CD200: variants seen among roughly 807,000 people sequenced by gnomAD.
The protein encoded by CD200 is CD200 molecule, also known as OX-2 membrane glycoprotein.
A neutral mutation model predicts 30.9 loss-of-function variants in CD200; 15 were observed. The observed-to-expected ratio is 0.49, with a 90% CI of 0.32 to 0.75. The LOEUF (loss-of-function observed/expected upper bound fraction) is 0.75, where lower values mean the gene tolerates loss of function less well. Ranked by LOEUF, CD200 falls within the 30% of genes least tolerant of loss-of-function variation. The pLI, the probability that CD200 is intolerant of heterozygous loss-of-function variation, is 0.03. For synonymous variants in CD200, 134 were observed against 126.2 expected (o/e 1.06, Z -0.41); for missense variants, 262 against 324.2 (o/e 0.81, Z 1.47).
chr3:112,350,108 C>A, intron 5 of CD200: 2 of 292,362 alleles, frequency 6.8e-6, no homozygotes, highest in Non-Finnish European at 1.0e-5. Context: ...CCACACAAGG[C>A]CCTTTCCACT....
At chr3:112,347,490 C>G (rs1394852531) in intron 3 of CD200, 68 bp from the exon 4 acceptor site, 4 of 1,459,882 alleles carry the variant, frequency 2.7e-6, no homozygotes, top group Non-Finnish European at 3.8e-6. Context: ...CTTCATCTCT[C>G]TGAGGAGACT....
intron 5 of CD200, among the ~76,000 whole-genome samples, chr3:112,355,612 G>T (rs62264130): frequency 1.3e-5 from 2 of 152,104 alleles, no homozygotes; most frequent in African/African-American, 2.4e-5. Flanking sequence ...TTATCATAAC[G>T]TATTAAACCG....
intron 4 of CD200, among the ~76,000 whole-genome samples, chr3:112,349,291 C>A (rs2081482001): frequency 6.6e-6 from 1 of 152,172 alleles, no homozygotes; most frequent in Non-Finnish European, 1.5e-5. Flanking sequence ...TACTTCTCTG[C>A]ATTTTCCACA....
chr3:112,338,510 C>A (rs1223960766), intron 1 of CD200, among the ~76,000 whole-genome samples: 2 of 151,930 alleles, frequency 1.3e-5, no homozygotes, highest in Non-Finnish European at 2.9e-5. Context: ...GCTTGGTGTT[C>A]AAGGTGGAAA....
At chr3:112,335,783 T>A in intron 1 of CD200, 1 of 660,450 alleles carries the variant, frequency 1.5e-6, no homozygotes, top group East Asian at 2.7e-5. Context: ...AGAGCCCTTT[T>A]CCAGCAGGCC....
intron 5 of CD200, among the ~76,000 whole-genome samples, chr3:112,355,484 C>T (rs9990216): frequency 1.3e-5 from 2 of 151,986 alleles, no homozygotes; most frequent in Admixed American, 6.5e-5. Flanking sequence ...CCTTTGTCTT[C>T]GTCATAAGCA....
intron 5 of CD200, among the ~76,000 whole-genome samples, chr3:112,353,028 A>G (rs1347463122): frequency 1.3e-5 from 2 of 152,168 alleles, no homozygotes; most frequent in Non-Finnish European, 2.9e-5. Context: ...TGAATCCAGC[A>G]CTTTAAAACA....
rs891825748 is a variant in CD200 at position 112,359,560 on chromosome 3, T to C, written c.803-1983T>C. Among the ~76,000 whole-genome samples the C allele has an allele frequency of 3.3e-5, 5 of 152,204 alleles. No individual in the cohort carries two copies. In the East Asian group the frequency reaches 9.6e-4, roughly 29 times the overall value. On this transcript the variant is annotated intron_variant, in intron 5 of 5. Transcript: ENST00000315711. ...TGGAAGTTATTACATTTAATTCTCATAGCAATTGATAAGGAAAGTATTTCC... is the reference window on the plus strand; with the variant it reads ...TGGAAGTTATTACATTTAATTCTCACAGCAATTGATAAGGAAAGTATTTCC...
At chr3:112,354,637 A>G (rs1247596555) in intron 5 of CD200, among the ~76,000 whole-genome samples, 1 of 152,214 alleles carries the variant, frequency 6.6e-6, no homozygotes, top group Non-Finnish European at 1.5e-5. Flanking sequence ...GGGAAACATC[A>G]TAAATGCTGT....
In CD200 at chr3:112,357,207, G is replaced by A. The variant is rs1430678882; in HGVS notation, c.803-4336G>A. Among the ~76,000 whole-genome samples the A allele has an allele frequency of 2.1e-5, 3 of 146,292 alleles. No homozygotes were observed. In the East Asian group the frequency reaches 6.0e-4, roughly 29 times the overall value. ...ACCCGGAAAGCGGAGCTTGCAGTGAGCAGAGATCGCGCCACTGCACTCCAG... is the reference window on the plus strand; with the variant it reads ...ACCCGGAAAGCGGAGCTTGCAGTGAACAGAGATCGCGCCACTGCACTCCAG... On this transcript the variant is annotated intron_variant, in intron 5 of 5. Coordinates refer to ENST00000315711, the MANE Select transcript of CD200 (RefSeq NM_005944.7).
At chr3:112,360,331 A>AT (rs60806802) in intron 5 of CD200, among the ~76,000 whole-genome samples, 14,551 of 140,920 alleles carry the variant, frequency 0.1, 1,310 homozygotes, top group East Asian at 0.25. Context: ...TCATCTAAAA[A>AT]AAATATATAT....
chr3:112,347,766 G>A lies in CD200; in HGVS notation c.630G>A (p.Lys210=), dbSNP rs145185720. Residue 210 remains lysine (K), a synonymous_variant, in exon 4 of 6, where the codon AAG becomes AAA. Transcript: ENST00000315711. ...AAGACCCTAAGAATCAGGTGGGGAA[G>A]GAGGTGATCTGCCAGGTGCTGCACC... ...HIKDPKNQVG[K]EVICQVLHLG... 1.7e-4 allele frequency: 267 copies of A among 1,613,984 alleles called. 1 individual carries two copies. The African/African-American group carries it at 3.3e-3, about 20-fold the overall frequency.
chr3:112,333,847 TA>T, intron 1 of CD200: 7 of 985,434 alleles, frequency 7.1e-6, no homozygotes, highest in Non-Finnish European at 8.4e-6. Flanking sequence ...TTTGAAGGGT[TA>T]ACCCCGGGTA....
chr3:112,360,836 C>T (rs1222234453), intron 5 of CD200, among the ~76,000 whole-genome samples: 1 of 152,198 alleles, frequency 6.6e-6, no homozygotes, highest in Non-Finnish European at 1.5e-5. Context: ...GCCTCTACTT[C>T]GTGACCATTT....
chr3:112,332,608 GA>G, upstream of CD200: 1 of 198,634 alleles, frequency 5.0e-6, no homozygotes, highest in South Asian at 9.1e-5. Flanking sequence ...GAAGAAGAAG[GA>G]GAAGAAGGAG....
chr3:112,334,242 A>G, intron 1 of CD200: 4 of 985,460 alleles, frequency 4.1e-6, no homozygotes, highest in South Asian at 4.7e-5. Flanking sequence ...TTGGACATAG[A>G]AACTTGCTGA....
rs1253377362 is a variant in CD200, at chr3:112,349,785, A to G, written c.768A>G (p.Leu256=). The change falls in exon 5 of 6, where the codon TTA becomes TTG. Residue 256 remains leucine (L), a synonymous_variant. Coordinates refer to ENST00000315711, the MANE Select transcript of CD200 (RefSeq NM_005944.7). ...LVILLVLISI[L]LYWKRHRNQD... ...TTCTTCTCGTCCTAATCTCAATCTT[A>G]CTGTACTGGAAACGTCACCGGAATC... 12 of 1,611,836 alleles carry G rather than the reference A, an allele frequency of 7.4e-6. No individual in the cohort carries two copies. Among genetic ancestry groups the G allele is most frequent in the Non-Finnish European group, 9.3e-6 (11 of 1,178,838 alleles).
intron 1 of CD200, 117 bp downstream of exon 1, chr3:112,333,341 C>CG (rs2081040014): frequency 2.1e-6 from 3 of 1,463,202 alleles, no homozygotes; most frequent in East Asian, 2.6e-5. Flanking sequence ...CAATCTGGTC[C>CG]GGGGACTAGA....
At chr3:112,333,014 A>G (rs1291052274), upstream of CD200, 8 of 678,394 alleles carry the variant, frequency 1.2e-5, no homozygotes, top group Non-Finnish European at 2.0e-5. Flanking sequence ...CTGAATATAA[A>G]CATCATTTAA....
Sources: gnomAD v4.1 joint callset for allele counts (sites outside exome capture counted in the v4.1 genomes callset) on GRCh38, gnomAD v4.1.1 for gene constraint, MANE v1.5 for transcripts, NCBI Gene and HGNC (gene_info 2026-07-23, HGNC 2026-07-21) for gene names.